The following C9orf85 variants were observed in gnomAD, a reference collection of about 807,000 sequenced individuals.
The protein encoded by C9orf85 is chromosome 9 open reading frame 85, also known as uncharacterized protein C9orf85.
Under a neutral mutation model 14.9 loss-of-function variants are expected in C9orf85, and 16 were observed. The ratio of observed to expected loss-of-function variants is 1.08; its 90% CI spans 0.73 to 1.63. The LOEUF is 1.63. C9orf85 is among the 40% of genes most tolerant of loss of function. The probability of loss-of-function intolerance (pLI) is 0.00; values close to 1 mark genes in which losing one functional copy is unlikely to be tolerated. For synonymous variants in C9orf85, 45 were observed against 56.8 expected (o/e 0.79, Z 0.93); for missense variants, 172 against 186.1 (o/e 0.92, Z 0.44).
chr9:71,931,436 C>T (rs918103926), intron 1 of C9orf85, among the ~76,000 whole-genome samples: 6 of 152,164 alleles, frequency 3.9e-5, no homozygotes, highest in Non-Finnish European at 7.4e-5. Context: ...CTTTAAGTCA[C>T]TTGTTTGGAG....
intron 2 of C9orf85, among the ~76,000 whole-genome samples, chr9:71,963,282 G>A (rs1464291578): frequency 6.6e-6 from 1 of 152,132 alleles, no homozygotes. Context: ...GTTACCGGGG[G>A]ATCCTTGCTC....
chr9:71,956,923 A>G (rs10746898), intron 2 of C9orf85, among the ~76,000 whole-genome samples: 144,092 of 152,194 alleles, frequency 0.95, 68,646 homozygotes, highest in East Asian at 1. Flanking sequence ...GAAACAGTAT[A>G]GAATGTAAAA....
At chr9:71,919,690 C>CT (rs1189312972) in intron 1 of C9orf85, among the ~76,000 whole-genome samples, 1 of 151,968 alleles carries the variant, frequency 6.6e-6, no homozygotes, top group African/African-American at 2.4e-5. Context: ...CCTTTGTGCC[C>CT]TTTTCAATGC....
intron 1 of C9orf85, among the ~76,000 whole-genome samples, chr9:71,914,072 A>G (rs117820290): frequency 0.017 from 2,551 of 152,332 alleles, 35 homozygotes; most frequent in Non-Finnish European, 0.024. Flanking sequence ...TGATCATAAC[A>G]GATTCTTGCA....
chr9:71,982,632 C>CT (rs56038535), intron 3 of C9orf85: 12,059 of 245,376 alleles, frequency 0.049, 26 homozygotes, highest in South Asian at 0.079. Context: ...TTGTATATTT[C>CT]TTTTTTTTTT....
chr9:71,951,510 T>C (rs1408325), intron 2 of C9orf85, among the ~76,000 whole-genome samples: 127,844 of 152,120 alleles, frequency 0.84, 53,915 homozygotes, highest in East Asian at 0.93. Flanking sequence ...ACCAAGATCC[T>C]CCTACCCATT....
intron 3 of C9orf85, among the ~76,000 whole-genome samples, chr9:71,979,862 C>A (rs1353351912): frequency 6.6e-6 from 1 of 152,066 alleles, no homozygotes; most frequent in Non-Finnish European, 1.5e-5. Flanking sequence ...AAACATACTC[C>A]ATTACACTGA....
At chr9:71,956,524 C>G (rs867061359) in intron 2 of C9orf85, among the ~76,000 whole-genome samples, 1 of 151,898 alleles carries the variant, frequency 6.6e-6, no homozygotes, top group Non-Finnish European at 1.5e-5. Context: ...GCTGGAATTA[C>G]AGGTGTGGAC....
chr9:71,978,364 C>T (rs181329517), downstream of C9orf85, among the ~76,000 whole-genome samples: 2 of 152,162 alleles, frequency 1.3e-5, no homozygotes, highest in Admixed American at 1.3e-4. Flanking sequence ...CCTGCCTCAG[C>T]CTCCCAAAGT....
At chr9:71,940,047 T>G (rs901287446) in intron 1 of C9orf85, among the ~76,000 whole-genome samples, 1 of 152,010 alleles carries the variant, frequency 6.6e-6, no homozygotes, top group Non-Finnish European at 1.5e-5. Flanking sequence ...AGAAAAAAAT[T>G]GATAAATTGT....
chr9:71,924,408 G>A (rs17057279), intron 1 of C9orf85, among the ~76,000 whole-genome samples: 266 of 152,228 alleles, frequency 1.7e-3, no homozygotes, highest in African/African-American at 6.0e-3. Flanking sequence ...CTTGTATGAC[G>A]CATTTTCTGT....
intron 1 of C9orf85, among the ~76,000 whole-genome samples, chr9:71,931,848 C>T (rs1317860757): frequency 1.3e-5 from 2 of 152,286 alleles, no homozygotes; most frequent in African/African-American, 2.4e-5. Context: ...AAGTATATCA[C>T]GTCCTTAATA....
At chr9:71,976,146 C>T (rs1178443927), downstream of C9orf85, among the ~76,000 whole-genome samples, 1 of 152,158 alleles carries the variant, frequency 6.6e-6, no homozygotes, top group Non-Finnish European at 1.5e-5. Flanking sequence ...TAGGAATTAA[C>T]CCTTCTAGTC....
intron 3 of C9orf85, among the ~76,000 whole-genome samples, chr9:71,981,278 T>C (rs551769545): frequency 6.6e-6 from 1 of 152,370 alleles, no homozygotes; most frequent in East Asian, 1.9e-4. Flanking sequence ...TCAACCTCTG[T>C]ATATTTTTCC....
intron 2 of C9orf85, among the ~76,000 whole-genome samples, chr9:71,960,804 G>C (rs1224624659): frequency 6.6e-6 from 1 of 151,898 alleles, no homozygotes; most frequent in Non-Finnish European, 1.5e-5. Flanking sequence ...CAAAGTGCTG[G>C]GATTACAGGC....
At chr9:71,916,302 T>C (rs1827648702) in intron 1 of C9orf85, among the ~76,000 whole-genome samples, 1 of 152,136 alleles carries the variant, frequency 6.6e-6, no homozygotes, top group South Asian at 2.1e-4. Flanking sequence ...ATATAGTCAG[T>C]ATTGTTTTTA....
At chr9:71,943,760 T>C (rs1224757933) in intron 1 of C9orf85, among the ~76,000 whole-genome samples, 1 of 151,054 alleles carries the variant, frequency 6.6e-6, no homozygotes, top group African/African-American at 2.4e-5. Context: ...AGGCTGTTCT[T>C]GAACTCCCAA....
Position 71,972,945 on chromosome 9 carries a change from A to C in C9orf85, c.*103A>C. The C allele has an allele frequency of 1.1e-6, 1 of 874,970 alleles. No homozygotes were observed. Among genetic ancestry groups the C allele is most frequent in the Non-Finnish European group, 1.7e-6 (1 of 599,532 alleles). The allele number at this position is 874,970 out of a possible 1,614,324, so 54.2% of individuals were successfully genotyped here. The stretch of plus-strand genomic sequence containing the variant: ...GATCACCTGAGGTCAGGAGTTCGAG[A>C]CCAGCCTGGCCAACATGGCGGAACC... On this transcript the variant is annotated 3_prime_UTR_variant, in exon 4 of 4. Transcript: ENST00000334731.
chr9:71,924,859 CATA>C (rs1486313076), intron 1 of C9orf85, among the ~76,000 whole-genome samples: 1 of 152,088 alleles, frequency 6.6e-6, no homozygotes, highest in Non-Finnish European at 1.5e-5. Context: ...ACTTGAATGA[CATA>C]ATAATGCTAA....
Sources: allele counts gnomAD v4.1 joint callset (sites outside exome capture counted in the v4.1 genomes callset), GRCh38; gene constraint gnomAD v4.1.1; transcripts MANE v1.5; gene names NCBI Gene and HGNC (gene_info 2026-07-23, HGNC 2026-07-21).